Variants in CCDC91 observed in about 807,000 individuals in gnomAD.
The protein encoded by CCDC91 is coiled-coil domain containing 91.
CCDC91 carries 48 observed loss-of-function variants against 63.2 expected under a neutral mutation model. The ratio of observed to expected loss-of-function variants is 0.76; its 90% CI spans 0.60 to 0.97. The LOEUF (loss-of-function observed/expected upper bound fraction) is 0.97. CCDC91 is among the 50% of genes least tolerant of loss of function. The pLI, the probability that CCDC91 is intolerant of heterozygous loss-of-function variation, is 0.00. For missense variants in CCDC91, 500 were observed against 494.6 expected (o/e 1.01, Z -0.10); for synonymous variants, 167 against 165.8 (o/e 1.01, Z -0.06).
At chr12:28,191,453 T>C (rs970838480) in intron 1 of CCDC91, 1 of 152,274 alleles carries the variant, frequency 6.6e-6, no homozygotes, top group East Asian at 1.9e-4. Flanking sequence ...CGGCCCCTTA[T>C]GAATTCTGAC....
intron 12 of CCDC91, among the ~76,000 whole-genome samples, chr12:28,538,264 C>CCCA (rs1942346037): frequency 9.6e-6 from 1 of 104,022 alleles, no homozygotes; most frequent in Non-Finnish European, 1.9e-5. Flanking sequence ...CCTTCCCCCC[C>CCCA]CCCCACAACA....
chr12:28,249,366 G>C (rs1322101680), intron 1 of CCDC91, among the ~76,000 whole-genome samples: 1 of 152,156 alleles, frequency 6.6e-6, no homozygotes, highest in Non-Finnish European at 1.5e-5. Context: ...TTCTGAATCA[G>C]CTGAGGAATG....
In CCDC91 at chr12:28,408,457, G is replaced by A. The variant is rs766045737; in HGVS notation, c.762+17046G>A. On this transcript the variant is annotated intron_variant, in intron 8 of 12. Coordinates refer to ENST00000536442, the MANE Select transcript of CCDC91 (RefSeq NM_018318.5). Reference sequence around the variant, plus strand: ...CTGCAATAAACATACTTGTGCATGCGTCTGACTTTTTAATAATAGCCATTC... The same window carrying A: ...CTGCAATAAACATACTTGTGCATGCATCTGACTTTTTAATAATAGCCATTC... Among the ~76,000 whole-genome samples the A allele has an allele frequency of 4.0e-4, 61 of 151,956 alleles. 1 individual carries two copies. Among genetic ancestry groups the A allele is most frequent in the African/African-American group, 1.3e-3 (53 of 41,376 alleles).
At chr12:28,240,680 A>G (rs767754853) in intron 1 of CCDC91, among the ~76,000 whole-genome samples, 1 of 151,772 alleles carries the variant, frequency 6.6e-6, no homozygotes, top group Non-Finnish European at 1.5e-5. Context: ...AAATCTCTCC[A>G]ACTTGCATGT....
At chr12:28,531,349 A>T (rs1941714732) in intron 12 of CCDC91, among the ~76,000 whole-genome samples, 2 of 152,146 alleles carry the variant, frequency 1.3e-5, no homozygotes, top group African/African-American at 2.4e-5. Flanking sequence ...AATTATCAAA[A>T]TTTTTTATAA....
intron 11 of CCDC91, among the ~76,000 whole-genome samples, chr12:28,471,861 T>C (rs912359467): frequency 3.3e-5 from 5 of 151,962 alleles, no homozygotes; most frequent in African/African-American, 1.2e-4. Flanking sequence ...GCAATTCTCG[T>C]ACCTCAGCCT....
At chr12:28,254,772 C>CT (rs34812000) in intron 1 of CCDC91, among the ~76,000 whole-genome samples, 26,575 of 128,776 alleles carry the variant, frequency 0.21, 3,542 homozygotes, top group Non-Finnish European at 0.3. Flanking sequence ...GTATCATCTG[C>CT]TTTTTTTTTT....
At chr12:28,265,740 T>C (rs985455018) in intron 3 of CCDC91, among the ~76,000 whole-genome samples, 1 of 152,090 alleles carries the variant, frequency 6.6e-6, no homozygotes, top group African/African-American at 2.4e-5. Context: ...GATTAATCTG[T>C]AGTTTGTACC....
chr12:28,289,438 A>G (rs1231083818), intron 3 of CCDC91, among the ~76,000 whole-genome samples: 2 of 152,102 alleles, frequency 1.3e-5, no homozygotes, highest in Non-Finnish European at 2.9e-5. Flanking sequence ...TTCATTATTT[A>G]CCCAAAGTTA....
chr12:28,239,411 G>GTGA (rs2135934931), intron 1 of CCDC91, among the ~76,000 whole-genome samples: 1 of 152,202 alleles, frequency 6.6e-6, no homozygotes, highest in African/African-American at 2.4e-5. Context: ...AAAATTGCAT[G>GTGA]TGATGGCATT....
chr12:28,448,006 A>G (rs1480658080), intron 8 of CCDC91, among the ~76,000 whole-genome samples: 1 of 152,150 alleles, frequency 6.6e-6, no homozygotes, highest in Non-Finnish European at 1.5e-5. Flanking sequence ...ATTCTGTTAC[A>G]GCCAAATGGC....
intron 6 of CCDC91, among the ~76,000 whole-genome samples, chr12:28,333,515 C>T (rs201470660): frequency 6.6e-6 from 1 of 152,066 alleles, no homozygotes; most frequent in East Asian, 1.9e-4. Flanking sequence ...TAAGTTTAGC[C>T]AGTAGGCAAA....
At chr12:28,415,027 T>G (rs1009643211) in intron 8 of CCDC91, among the ~76,000 whole-genome samples, 15 of 152,176 alleles carry the variant, frequency 9.9e-5, no homozygotes, top group African/African-American at 3.6e-4. Flanking sequence ...TAGAAAACAC[T>G]TATGCGGAGA....
At chr12:28,199,234 A>G (rs1486963351) in intron 1 of CCDC91, among the ~76,000 whole-genome samples, 1 of 151,920 alleles carries the variant, frequency 6.6e-6, no homozygotes, top group Non-Finnish European at 1.5e-5. Flanking sequence ...TTTACTAAAT[A>G]TTTTTTGAGT....
intron 1 of CCDC91, among the ~76,000 whole-genome samples, chr12:28,253,526 C>A (rs1211464641): frequency 6.6e-6 from 1 of 152,116 alleles, no homozygotes; most frequent in African/African-American, 2.4e-5. Flanking sequence ...TTTTGAGTTT[C>A]GGTTTTACTT....
At chr12:28,416,471 C>G (rs751642864) in intron 8 of CCDC91, among the ~76,000 whole-genome samples, 1 of 152,142 alleles carries the variant, frequency 6.6e-6, no homozygotes, top group East Asian at 1.9e-4. Flanking sequence ...AGGCTCAACC[C>G]TGAATACAGT....
At chr12:28,415,809 C>T (rs1227119971) in intron 8 of CCDC91, among the ~76,000 whole-genome samples, 3 of 151,998 alleles carry the variant, frequency 2.0e-5, no homozygotes, top group Admixed American at 1.3e-4. Flanking sequence ...ATTTTAAAAA[C>T]TAAGAATAAA....
chr12:28,218,413 T>G (rs960957126), intron 1 of CCDC91, among the ~76,000 whole-genome samples: 1 of 151,752 alleles, frequency 6.6e-6, no homozygotes, highest in Non-Finnish European at 1.5e-5. Context: ...TAAATTTAGG[T>G]GTATAAACAA....
chr12:28,543,503 T>C (rs1346757204), intron 12 of CCDC91, among the ~76,000 whole-genome samples: 1 of 152,034 alleles, frequency 6.6e-6, no homozygotes, highest in Non-Finnish European at 1.5e-5. Flanking sequence ...GGGACTTTAC[T>C]GGCCCAATCA....
Sources: gnomAD v4.1 joint callset for allele counts (sites outside exome capture counted in the v4.1 genomes callset) on GRCh38, gnomAD v4.1.1 for gene constraint, MANE v1.5 for transcripts, NCBI Gene and HGNC (gene_info 2026-07-23, HGNC 2026-07-21) for gene names.